Variants in KAZN observed in about 807,000 individuals in gnomAD.
KAZN encodes kazrin, periplakin interacting protein, also known as kazrin.
In KAZN, 40 loss-of-function variants were observed where a neutral mutation model predicts 87.4. The ratio of observed to expected loss-of-function variants is 0.46; its 90% CI spans 0.36 to 0.60. The LOEUF is 0.60. Ranked by LOEUF, KAZN falls within the 20% of genes least tolerant of loss-of-function variation. The probability of loss-of-function intolerance (pLI) is 0.00; values close to 1 mark genes in which losing one functional copy is unlikely to be tolerated. For missense variants in KAZN, 898 were observed against 1,073.9 expected, an observed-to-expected ratio of 0.84 and a Z score of 2.29; for synonymous variants, 466 against 458.3, an observed-to-expected ratio of 1.02 and a Z score of -0.22.
At chr1:14,477,447 CCT>C (rs944833569) in intron 2 of KAZN, among the ~76,000 whole-genome samples, 17 of 147,972 alleles carry the variant, frequency 1.1e-4, no homozygotes, top group African/African-American at 2.5e-4. Flanking sequence ...TCTCTCTCCC[CCT>C]CTCTCTCTCT....
intron 2 of KAZN, among the ~76,000 whole-genome samples, chr1:14,283,674 C>G (rs569356842): frequency 6.6e-6 from 1 of 152,330 alleles, no homozygotes; most frequent in Non-Finnish European, 1.5e-5. Flanking sequence ...TGGGAACAAT[C>G]TGCCAGTCCC....
intron 2 of KAZN, among the ~76,000 whole-genome samples, chr1:14,511,853 G>A (rs553371389): frequency 6.6e-5 from 10 of 152,298 alleles, no homozygotes; most frequent in African/African-American, 1.9e-4. Flanking sequence ...AATTCAGAAT[G>A]TTCTGGGTGG....
chr1:14,002,963 A>G (rs1391501819), intron 1 of KAZN, among the ~76,000 whole-genome samples: 1 of 152,238 alleles, frequency 6.6e-6, no homozygotes, highest in Non-Finnish European at 1.5e-5. Context: ...CCATGTGCCC[A>G]TCAATGATAG....
intron 1 of KAZN, among the ~76,000 whole-genome samples, chr1:14,932,488 C>G (rs12067819): frequency 0.02 from 3,008 of 152,256 alleles, 92 homozygotes; most frequent in African/African-American, 0.069. Context: ...CATGGTAGCC[C>G]CTGGGCTTAA....
chr1:14,369,068 A>G (rs1660254286), intron 2 of KAZN, among the ~76,000 whole-genome samples: 1 of 152,198 alleles, frequency 6.6e-6, no homozygotes, highest in Admixed American at 6.5e-5. Flanking sequence ...TTAGCTCACT[A>G]GCAACTGCTA....
intron 1 of KAZN, among the ~76,000 whole-genome samples, chr1:14,049,130 CA>C (rs1385226436): frequency 2.6e-5 from 4 of 152,102 alleles, no homozygotes; most frequent in Non-Finnish European, 4.4e-5. Flanking sequence ...GAATACTATG[CA>C]GCCATAAAAA....
At chr1:14,744,332 T>G (rs991656492) in intron 1 of KAZN, among the ~76,000 whole-genome samples, 2 of 152,208 alleles carry the variant, frequency 1.3e-5, no homozygotes, top group Non-Finnish European at 2.9e-5. Flanking sequence ...GAGAAGGGAA[T>G]CAAGGTCCAG....
At chr1:14,595,269 C>T (rs1221935667), upstream of KAZN, among the ~76,000 whole-genome samples, 2 of 152,136 alleles carry the variant, frequency 1.3e-5, no homozygotes, top group Non-Finnish European at 2.9e-5. Flanking sequence ...AGGGGGATGC[C>T]GTGGTGCAGC....
intron 1 of KAZN, among the ~76,000 whole-genome samples, chr1:14,718,200 T>C (rs548611997): frequency 6.6e-6 from 1 of 152,380 alleles, no homozygotes; most frequent in Non-Finnish European, 1.5e-5. Context: ...TTCAAATGGT[T>C]GATTCTGTTG....
At chr1:14,638,581 A>AAAAAAAAAAAAAAAAAAAAAAAAAC (rs1553201086) in intron 1 of KAZN, among the ~76,000 whole-genome samples, 1 of 39,642 alleles carries the variant, frequency 2.5e-5, no homozygotes, top group African/African-American at 9.2e-5. Flanking sequence ...AAAAAAAACA[A>AAAAAAAAAAAAAAAAAAAAAAAAAC]AAAAAAAAAA....
At chr1:14,436,954 A>G (rs903586510) in intron 2 of KAZN, among the ~76,000 whole-genome samples, 3 of 152,084 alleles carry the variant, frequency 2.0e-5, no homozygotes, top group Admixed American at 2.0e-4. Flanking sequence ...AGTTCATTTT[A>G]TTATCACTTT....
intron 2 of KAZN, among the ~76,000 whole-genome samples, chr1:14,578,066 C>A (rs1027091342): frequency 1.3e-5 from 2 of 152,086 alleles, no homozygotes; most frequent in African/African-American, 4.8e-5. Context: ...TGCATCTACC[C>A]CCTACTTGTC....
intron 1 of KAZN, among the ~76,000 whole-genome samples, chr1:14,798,742 T>TTTTTC (rs1261888542): frequency 2.7e-4 from 40 of 149,060 alleles, no homozygotes; most frequent in African/African-American, 9.4e-4. Context: ...CCCACTTTCT[T>TTTTTC]TTTTCTTTTC....
chr1:14,470,028 A>G (rs549372878), intron 2 of KAZN, among the ~76,000 whole-genome samples: 14 of 152,316 alleles, frequency 9.2e-5, no homozygotes, highest in Non-Finnish European at 1.9e-4. Context: ...CTGGGTGGTG[A>G]TAATGTTGAG....
intron 1 of KAZN, among the ~76,000 whole-genome samples, chr1:14,052,567 GA>G (rs1642385124): frequency 6.6e-6 from 1 of 152,046 alleles, no homozygotes; most frequent in South Asian, 2.1e-4. Context: ...AAATTGACAG[GA>G]AGATGATGTG....
intron 1 of KAZN, among the ~76,000 whole-genome samples, chr1:13,929,589 AG>A (rs1640429374): frequency 6.6e-6 from 1 of 152,188 alleles, no homozygotes; most frequent in Admixed American, 6.5e-5. Flanking sequence ...CACTTTGAGC[AG>A]CTACTAAAGG....
chr1:14,800,401 A>G (rs1169415954), intron 1 of KAZN, among the ~76,000 whole-genome samples: 5 of 152,204 alleles, frequency 3.3e-5, no homozygotes, highest in Admixed American at 3.3e-4. Context: ...TTTTTAAGCC[A>G]TAAGAGAATG....
intron 2 of KAZN, among the ~76,000 whole-genome samples, chr1:14,258,169 A>G (rs1316732351): frequency 1.5e-5 from 2 of 137,568 alleles, no homozygotes; most frequent in African/African-American, 5.2e-5. Context: ...ACTGTCCCAA[A>G]ACTGTATTTT....
At chr1:13,948,877 T>C (rs918766094) in intron 1 of KAZN, among the ~76,000 whole-genome samples, 15 of 152,064 alleles carry the variant, frequency 9.9e-5, no homozygotes, top group Admixed American at 7.9e-4. Context: ...GTTACAGACA[T>C]GAAAATGGAG....
Sources: allele counts gnomAD v4.1 joint callset (sites outside exome capture counted in the v4.1 genomes callset), GRCh38; gene constraint gnomAD v4.1.1; transcripts MANE v1.5; gene names NCBI Gene and HGNC (gene_info 2026-07-23, HGNC 2026-07-21).